The following SPTLC2 variants were observed in gnomAD, a reference collection of about 807,000 sequenced individuals.
The protein encoded by SPTLC2 is serine palmitoyltransferase 2.
Under a neutral mutation model 62.0 loss-of-function variants are expected in SPTLC2, and 21 were observed. The observed-to-expected ratio is 0.34, with a 90% CI of 0.24 to 0.49. The LOEUF (loss-of-function observed/expected upper bound fraction) is 0.49. SPTLC2 is among the 20% of genes least tolerant of loss of function. SPTLC2 has a pLI of 0.99. For missense variants in SPTLC2, 511 were observed against 713.0 expected (o/e 0.72, Z 3.23); for synonymous variants, 261 against 261.8 (o/e 1.00, Z 0.03).
intron 1 of SPTLC2, among the ~76,000 whole-genome samples, chr14:77,607,772 T>C (rs1389613843): frequency 1.3e-5 from 2 of 152,192 alleles, no homozygotes; most frequent in East Asian, 1.9e-4. Flanking sequence ...TTCTAGGAAA[T>C]GAGGTTTCGC....
At chr14:77,532,912 T>C (rs1391938188) in intron 9 of SPTLC2, among the ~76,000 whole-genome samples, 1 of 152,172 alleles carries the variant, frequency 6.6e-6, no homozygotes. Context: ...ACAAAATTAT[T>C]CAGCAAAGAA....
rs1377473962 is a variant in SPTLC2 at position 77,508,642 on chromosome 14, T to A, written c.*3642A>T. On this transcript the variant is annotated 3_prime_UTR_variant, in exon 12 of 12. Coordinates refer to ENST00000216484, the MANE Select transcript of SPTLC2 (RefSeq NM_004863.4). ...CATGGAAGCCACTCATCCCCCTGGT[T>A]TTCACCAATAAGAAGGAAGCAAAGT... 1 of 152,198 alleles carries A rather than the reference T, an allele frequency of 6.6e-6. No individual in the cohort carries two copies. The highest frequency in any genetic ancestry group is 1.9e-4 in the East Asian group (1 of 5,196). The allele number at this position is 152,198 out of a possible 1,614,324, so 9.4% of individuals were successfully genotyped here. A position where few individuals can be genotyped will look rare whatever the true frequency, so the allele number is the denominator to read the frequency against.
At chr14:77,598,552 GC>G (rs1370587862) in intron 1 of SPTLC2, among the ~76,000 whole-genome samples, 1 of 152,170 alleles carries the variant, frequency 6.6e-6, no homozygotes, top group Non-Finnish European at 1.5e-5. Flanking sequence ...TCAGCAGTAG[GC>G]CCCTGCAGAA....
intron 4 of SPTLC2, among the ~76,000 whole-genome samples, chr14:77,571,495 C>T (rs946673382): frequency 4.8e-5 from 6 of 123,886 alleles, no homozygotes; most frequent in African/African-American, 1.6e-4. Context: ...GGCAACAGAG[C>T]GAGACTCTGA....
Position 77,555,516 on chromosome 14 carries a change from C to A in SPTLC2, c.960G>T (p.Met320Ile). The A allele has an allele frequency of 6.2e-7, 1 of 1,614,108 alleles. No individual in the cohort carries two copies. Among genetic ancestry groups the A allele is most frequent in the Non-Finnish European group, 8.5e-7 (1 of 1,179,986 alleles). ...ILILVEGIYS[M>I]EGSIVRLPEV... ...CAGGAAGACGAACAATAGATCCCTC[C>A]ATGCTGGCAAAACATGAAAAAATAT... Residue 320 changes from methionine to isoleucine, a missense_variant, in exon 8 of 12, where the codon ATG (methionine) becomes ATT (isoleucine). Met to Ile is a conservative substitution (Grantham distance 10, BLOSUM62 1). Coordinates refer to ENST00000216484, the MANE Select transcript of SPTLC2 (RefSeq NM_004863.4).
intron 9 of SPTLC2, among the ~76,000 whole-genome samples, chr14:77,530,029 A>G (rs1196215759): frequency 6.6e-6 from 1 of 152,224 alleles, no homozygotes; most frequent in African/African-American, 2.4e-5. Context: ...ATGTTGATTT[A>G]TATTAATTTA....
At chr14:77,594,669 T>C (rs938792349) in intron 2 of SPTLC2, among the ~76,000 whole-genome samples, 1 of 152,218 alleles carries the variant, frequency 6.6e-6, no homozygotes, top group Non-Finnish European at 1.5e-5. Context: ...AAAACACAAT[T>C]TCTCTTCTGT....
At chr14:77,542,563 A>G (rs2079506951) in intron 9 of SPTLC2, among the ~76,000 whole-genome samples, 1 of 152,188 alleles carries the variant, frequency 6.6e-6, no homozygotes, top group Non-Finnish European at 1.5e-5. Flanking sequence ...TCTCCAAGAC[A>G]CAACCCCTAT....
In SPTLC2 at chr14:77,555,294, G is replaced by A. The variant is rs766616688; in HGVS notation, c.1176+6C>T. On this transcript the variant is annotated splice_donor_region_variant and intron_variant, in intron 8 of 11. Transcript: ENST00000216484. Reference sequence around the variant, plus strand: ...CTCTAATCGCTCATTCTCATGGCTCGTTTACCTTCTTGCCTCCAATATATC... The same window carrying A: ...CTCTAATCGCTCATTCTCATGGCTCATTTACCTTCTTGCCTCCAATATATC... 30 of 1,605,156 alleles carry A rather than the reference G, an allele frequency of 1.9e-5. No individual in the cohort carries two copies. Among genetic ancestry groups the A allele is most frequent in the East Asian group, 4.6e-5 (2 of 43,810 alleles).
chr14:77,591,520 A>G (rs1328351458), intron 2 of SPTLC2, among the ~76,000 whole-genome samples: 2 of 152,168 alleles, frequency 1.3e-5, no homozygotes, highest in Non-Finnish European at 2.9e-5. Context: ...TCCTGTGCCC[A>G]GCAACTAACA....
chr14:77,609,067 T>C (rs1375103458), intron 1 of SPTLC2, among the ~76,000 whole-genome samples: 1 of 151,872 alleles, frequency 6.6e-6, no homozygotes, highest in Non-Finnish European at 1.5e-5. Flanking sequence ...CAGAGAGGGA[T>C]GGGAAAGTTC....
chr14:77,531,481 CCCT>C lies in SPTLC2; in HGVS notation c.1304-9903_1304-9901del, dbSNP rs1219084054. On this transcript the variant is annotated intron_variant, in intron 9 of 11. Coordinates refer to ENST00000216484, the MANE Select transcript of SPTLC2 (RefSeq NM_004863.4). ...CTCCTCCTCCTCCTCCTCCCCCTCCCCCTCCTCCTCCTCCTCCTCCTCCTCCTC... is the reference window on the plus strand; with the variant it reads ...CTCCTCCTCCTCCTCCTCCCCCTCCCCCTCCTCCTCCTCCTCCTCCTCCTC... 3.9e-4 allele frequency among the ~76,000 whole-genome samples: 35 copies of C among 90,258 alleles called. 2 individuals carry two copies. Among genetic ancestry groups the C allele is most frequent in the Admixed American group, 7.2e-4 (6 of 8,312 alleles). 59.2% of individuals were successfully genotyped at this position (90,258 alleles called of 152,430 possible).
intron 9 of SPTLC2, among the ~76,000 whole-genome samples, chr14:77,541,277 T>C (rs2079499437): frequency 6.6e-6 from 1 of 152,164 alleles, no homozygotes; most frequent in Admixed American, 6.5e-5. Flanking sequence ...TGGGCTCAAG[T>C]GATCCACCCG....
At chr14:77,558,043 C>A (rs2079594289) in intron 6 of SPTLC2, among the ~76,000 whole-genome samples, 1 of 138,022 alleles carries the variant, frequency 7.2e-6, no homozygotes, top group South Asian at 2.5e-4. Context: ...GACATCCTAT[C>A]ATAAAATCTT....
intron 9 of SPTLC2, among the ~76,000 whole-genome samples, chr14:77,533,300 C>CAAAAAAAA (rs35192294): frequency 1.0e-5 from 1 of 98,500 alleles, no homozygotes; most frequent in African/African-American, 3.9e-5. Context: ...AACTCCGTTG[C>CAAAAAAAA]AAAAAAAAAA....
intron 5 of SPTLC2, among the ~76,000 whole-genome samples, chr14:77,563,097 C>T (rs1246354649): frequency 6.8e-6 from 1 of 147,586 alleles, no homozygotes; most frequent in Non-Finnish European, 1.5e-5. Context: ...TTTTTTTTTT[C>T]ACTGCAGTTC....
At chr14:77,521,376 C>G in intron 10 of SPTLC2, 70 bp downstream of exon 10, 4 of 1,597,238 alleles carry the variant, frequency 2.5e-6, no homozygotes, top group Non-Finnish European at 3.4e-6. Flanking sequence ...TAACAAAATA[C>G]ATAAGCCCTG....
intron 9 of SPTLC2, among the ~76,000 whole-genome samples, chr14:77,527,973 A>G (rs1160369028): frequency 6.6e-6 from 1 of 152,232 alleles, no homozygotes; most frequent in Non-Finnish European, 1.5e-5. Flanking sequence ...CAAAAATAAC[A>G]TTTCTGTTGT....
chr14:77,601,225 G>T (rs1283978932), intron 1 of SPTLC2, among the ~76,000 whole-genome samples: 1 of 152,168 alleles, frequency 6.6e-6, no homozygotes, highest in Admixed American at 6.6e-5. Flanking sequence ...AGCAACTGAA[G>T]ATCCACAAAA....
Sources: allele counts gnomAD v4.1 joint callset (sites outside exome capture counted in the v4.1 genomes callset), GRCh38; gene constraint gnomAD v4.1.1; transcripts MANE v1.5; gene names NCBI Gene and HGNC (gene_info 2026-07-23, HGNC 2026-07-21).